Variants in C2orf92 observed in about 807,000 individuals in gnomAD.
The protein encoded by C2orf92 is chromosome 2 open reading frame 92.
chr2:97,673,907 C>G (rs2104539113), intron 1 of C2orf92, among the ~76,000 whole-genome samples: 1 of 152,312 alleles, frequency 6.6e-6, no homozygotes, highest in Non-Finnish European at 1.5e-5. Flanking sequence ...CTTGGTTCCT[C>G]TGTACAATAA....
intron 3 of C2orf92, among the ~76,000 whole-genome samples, chr2:97,686,641 G>A (rs760688402): frequency 4.8e-4 from 73 of 151,904 alleles, no homozygotes; most frequent in Non-Finnish European, 8.2e-4. Context: ...GGCTGGTCTC[G>A]AACTCCTGAC....
intron 5 of C2orf92, among the ~76,000 whole-genome samples, chr2:97,691,850 T>C (rs1676150054): frequency 3.9e-5 from 6 of 152,294 alleles, no homozygotes; most frequent in African/African-American, 2.4e-5. Context: ...ATCGCGCCAC[T>C]GCACTCCAGC....
At chr2:97,678,828 ATTAG>A (rs1386935971) in intron 3 of C2orf92, among the ~76,000 whole-genome samples, 1 of 149,964 alleles carries the variant, frequency 6.7e-6, no homozygotes, top group East Asian at 2.0e-4. Flanking sequence ...AAAAAAAAAA[ATTAG>A]TTGGGTGTGA....
At chr2:97,677,170 C>G (rs977389424) in intron 3 of C2orf92, among the ~76,000 whole-genome samples, 11 of 152,218 alleles carry the variant, frequency 7.2e-5, no homozygotes, top group African/African-American at 2.7e-4. Flanking sequence ...TAGCAGTCCA[C>G]ATTCCTAGTG....
At chr2:97,679,834 T>A (rs1573209135) in intron 3 of C2orf92, among the ~76,000 whole-genome samples, 1 of 95,210 alleles carries the variant, frequency 1.1e-5, no homozygotes, top group East Asian at 2.6e-4. Context: ...TGAAACTCTA[T>A]CTCAAAAAAA....
rs1302287547 is a variant in C2orf92, at chr2:97,676,433, C to CAA, written c.232+519_232+520dup. Among the ~76,000 whole-genome samples, 91 of 31,078 alleles carry CAA rather than the reference C, an allele frequency of 2.9e-3. 8 individuals carry two copies. The highest frequency in any genetic ancestry group is 0.011 in the African/African-American group (64 of 5,784). The allele number at this position is 31,078 out of a possible 152,430, so 20.4% of individuals were successfully genotyped here. A position where few individuals can be genotyped will look rare whatever the true frequency, so the allele number is the denominator to read the frequency against. ...TGGGCGACAGAGCAAGACTCCATCT[C>CAA]AAAAAAAAAAAAAAAGAAAAAAAAA... On this transcript the variant is annotated intron_variant, in intron 3 of 7. Transcript: ENST00000627399.
chr2:97,681,499 T>G (rs1675773321), intron 3 of C2orf92, among the ~76,000 whole-genome samples: 1 of 152,102 alleles, frequency 6.6e-6, no homozygotes, highest in African/African-American at 2.4e-5. Flanking sequence ...AAGTGCAAAT[T>G]AAACACAACA....
chr2:97,693,276 G>T (rs1045471903), intron 5 of C2orf92, among the ~76,000 whole-genome samples: 6 of 152,142 alleles, frequency 3.9e-5, no homozygotes, highest in Admixed American at 2.6e-4. Flanking sequence ...TGTAAATAAT[G>T]CTGCAATGAA....
intron 3 of C2orf92, among the ~76,000 whole-genome samples, chr2:97,683,182 CTG>C (rs1183801811): frequency 6.6e-6 from 1 of 151,136 alleles, no homozygotes; most frequent in African/African-American, 2.4e-5. Context: ...CAAAAATCAG[CTG>C]TGTTTTTATA....
At chr2:97,666,824 C>T (rs1394105677), upstream of C2orf92, 1 of 128,052 alleles carries the variant, frequency 7.8e-6, no homozygotes, top group Non-Finnish European at 1.6e-5. Flanking sequence ...GCCTGGGTGA[C>T]AGAGCCAGAC....
rs1675558740 is a variant in C2orf92 at position 97,675,878 on chromosome 2, C to T, written c.182C>T (p.Ala61Val). ...YSQQKSLNNA[A>V]FASGSNEREE... is the part of the protein sequence containing the mutation. Reference sequence around the variant, plus strand: ...CAACAGAAGAGCTTGAACAATGCTGCATTTGCATCAGGTTCAAATGAGCGA... The same window carrying T: ...CAACAGAAGAGCTTGAACAATGCTGTATTTGCATCAGGTTCAAATGAGCGA... The change falls in exon 3 of 8, where the codon GCA becomes GTA. Residue 61 changes from alanine to valine, a missense_variant. Coordinates refer to ENST00000627399, the MANE Select transcript of C2orf92 (RefSeq NM_001351368.2). 2.5e-6 allele frequency: 1 copy of T among 399,042 alleles called. No individual in the cohort carries two copies. Among genetic ancestry groups the T allele is most frequent in the African/African-American group, 2.1e-5 (1 of 48,748 alleles). The allele number at this position is 399,042 out of a possible 1,614,324, so 24.7% of individuals were successfully genotyped here. A position where few individuals can be genotyped will look rare whatever the true frequency, so the allele number is the denominator to read the frequency against.
chr2:97,665,144 A>G (rs1453651714), upstream of C2orf92, among the ~76,000 whole-genome samples: 2 of 152,210 alleles, frequency 1.3e-5, no homozygotes, highest in African/African-American at 2.4e-5. Flanking sequence ...CCCCTGCGGC[A>G]CTGGAGTCAG....
At position 97,692,513 on chromosome 2, in the gene C2orf92, G is replaced by C. The variant is rs560351899; in HGVS notation, c.403+2186G>C. ...CAACCTCCTCCTCCCAGGTTCAAGT[G>C]ATCCTCCTGCCTCAGCCTCCCAAGT... On this transcript the variant is annotated intron_variant, in intron 5 of 7. Coordinates refer to ENST00000627399, the MANE Select transcript of C2orf92 (RefSeq NM_001351368.2). Among the ~76,000 whole-genome samples the C allele has an allele frequency of 2.3e-4, 35 of 149,408 alleles. No homozygotes were observed. In the South Asian group the frequency reaches 7.4e-3, roughly 31 times the overall value.
chr2:97,680,195 A>G (rs1234236670), intron 3 of C2orf92, among the ~76,000 whole-genome samples: 3 of 152,214 alleles, frequency 2.0e-5, no homozygotes, highest in African/African-American at 4.8e-5. Context: ...GCTATTTGGG[A>G]GGCTGAGGCA....
intron 3 of C2orf92, among the ~76,000 whole-genome samples, chr2:97,681,255 G>A (rs1410453552): frequency 6.6e-6 from 1 of 151,674 alleles, no homozygotes; most frequent in Non-Finnish European, 1.5e-5. Flanking sequence ...TTCTTCTCAA[G>A]AGCATATGGA....
At position 97,669,765 on chromosome 2, in the gene C2orf92, G is replaced by A. The variant is rs1263372857; in HGVS notation, c.-24G>A. On this transcript the variant is annotated 5_prime_UTR_variant, in exon 1 of 8. It removes an upstream start codon present in the reference 5' UTR. Coordinates refer to ENST00000627399, the MANE Select transcript of C2orf92 (RefSeq NM_001351368.2). ...GCCATCAGAAGACTGGCTTCTCCAT[G>A]ATGGTTTATGGACTAAGGCAAAGAT... 1.3e-5 allele frequency: 5 copies of A among 398,592 alleles called. No individual in the cohort carries two copies. Among genetic ancestry groups the A allele is most frequent in the African/African-American group, 8.2e-5 (4 of 48,644 alleles). 24.7% of individuals were successfully genotyped at this position (398,592 alleles called of 1,614,324 possible). A position where few individuals can be genotyped will look rare whatever the true frequency, so the allele number is the denominator to read the frequency against.
chr2:97,665,526 G>T (rs1049565602), upstream of C2orf92, among the ~76,000 whole-genome samples: 1 of 151,904 alleles, frequency 6.6e-6, no homozygotes, highest in Admixed American at 6.6e-5. Flanking sequence ...GCAAGAGGGG[G>T]AACACACCCT....
In C2orf92 at chr2:97,675,855, A is replaced by G. The variant is rs780322290; in HGVS notation, c.159A>G (p.Gln53=). The G allele has an allele frequency of 2.3e-5, 9 of 398,974 alleles. No homozygotes were observed. The highest frequency in any genetic ancestry group is 3.5e-5 in the Non-Finnish European group (8 of 226,078). The allele number at this position is 398,974 out of a possible 1,614,324, so 24.7% of individuals were successfully genotyped here. A position where few individuals can be genotyped will look rare whatever the true frequency, so the allele number is the denominator to read the frequency against. The change falls in exon 3 of 8, where the codon CAA becomes CAG. Residue 53 remains glutamine (Q), a synonymous_variant. Transcript: ENST00000627399. ...TTTATTTTCCCTTAGGCTATTCCCA[A>G]CAGAAGAGCTTGAACAATGCTGCAT... ...TKRDTQKSYS[Q]QKSLNNAAFA...
intron 2 of C2orf92, among the ~76,000 whole-genome samples, chr2:97,674,966 G>A (rs568206857): frequency 9.8e-5 from 15 of 152,314 alleles, no homozygotes; most frequent in African/African-American, 2.6e-4. Flanking sequence ...CGGCTTGGGA[G>A]AGTAATGTCT....
Sources: gnomAD v4.1 joint callset for allele counts (sites outside exome capture counted in the v4.1 genomes callset) on GRCh38, gnomAD v4.1.1 for gene constraint, MANE v1.5 for transcripts, NCBI Gene and HGNC (gene_info 2026-07-23, HGNC 2026-07-21) for gene names.